Variants in CEP164 observed in about 807,000 individuals in gnomAD.
CEP164 encodes the protein centrosomal protein 164.
In CEP164, 162 loss-of-function variants were observed where a neutral mutation model predicts 182.7. That is an observed-to-expected ratio of 0.89 (90% CI 0.78 to 1.01). The LOEUF (loss-of-function observed/expected upper bound fraction) is 1.01. Among genes scored for constraint, CEP164 ranks in the 50% least tolerant of loss-of-function variants. The probability of loss-of-function intolerance (pLI) is 0.00; values close to 1 mark genes in which losing one functional copy is unlikely to be tolerated. For missense variants in CEP164, 1,735 were observed against 1,790.4 expected, an observed-to-expected ratio of 0.97 and a Z score of 0.56; for synonymous variants, 661 against 690.0, an observed-to-expected ratio of 0.96 and a Z score of 0.66.
intron 27 of CEP164, among the ~76,000 whole-genome samples, chr11:117,407,021 G>A (rs1393729095): frequency 6.6e-6 from 1 of 152,070 alleles, no homozygotes; most frequent in Non-Finnish European, 1.5e-5. Flanking sequence ...TTGAACCCAG[G>A]AGGAGGTGGA....
chr11:117,369,208 CA>C (rs2041955074), intron 8 of CEP164, among the ~76,000 whole-genome samples: 1 of 152,214 alleles, frequency 6.6e-6, no homozygotes. Flanking sequence ...ATTCGTGGGA[CA>C]CTGACAGTGT....
At chr11:117,382,672 G>A in intron 13 of CEP164, 124 bp from the exon 14 acceptor site, 1 of 1,157,678 alleles carries the variant, frequency 8.6e-7, no homozygotes, top group Non-Finnish European at 1.2e-6. Context: ...AAGACCCGAG[G>A]TAGGGAAATT....
chr11:117,351,345 T>C (rs2039599943), intron 4 of CEP164, among the ~76,000 whole-genome samples: 2 of 152,236 alleles, frequency 1.3e-5, no homozygotes, highest in African/African-American at 4.8e-5. Flanking sequence ...TAGAGTCTTC[T>C]GTAAAACCAG....
chr11:117,342,606 G>C (rs1044776464), intron 3 of CEP164, among the ~76,000 whole-genome samples: 1 of 152,014 alleles, frequency 6.6e-6, no homozygotes, highest in Non-Finnish European at 1.5e-5. Flanking sequence ...TTCCTAAGTG[G>C]CTGGGACTAT....
intron 14 of CEP164, chr11:117,385,501 T>G (rs2043844783): frequency 6.6e-6 from 1 of 152,294 alleles, no homozygotes; most frequent in African/African-American, 2.4e-5. Context: ...ATGCCCCACA[T>G]GGTCTGATGC....
rs2045107088 is a variant in CEP164 at position 117,394,209 on chromosome 11, C to G, written c.2617-141C>G. ...GGCCGGTGCTGTGCTTGTAACCCTC[C>G]TCTTCTCCAAGAGCTGGCTTTAGGG... On this transcript the variant is annotated intron_variant, in intron 20 of 32. Transcript: ENST00000278935. This position sits in a 1 kb window ranked among gnomAD's most constrained non-coding sequence, Gnocchi z 4.0. The G allele has an allele frequency of 6.0e-6, 7 of 1,157,428 alleles. No individual in the cohort carries two copies. The highest frequency in any genetic ancestry group is 1.5e-5 in the African/African-American group (1 of 64,624). The allele number at this position is 1,157,428 out of a possible 1,614,324, so 71.7% of individuals were successfully genotyped here.
chr11:117,345,310 G>A (rs2038724605), intron 4 of CEP164, among the ~76,000 whole-genome samples: 1 of 152,180 alleles, frequency 6.6e-6, no homozygotes, highest in South Asian at 2.1e-4. Flanking sequence ...CCTGAGGACT[G>A]CAGTGCTCCC....
chr11:117,395,902 A>C, intron 24 of CEP164, 152 bp from the exon 25 acceptor site: 1 of 1,216,030 alleles, frequency 8.2e-7, no homozygotes. Context: ...TGTGAAAAGC[A>C]GGGGATCTCT....
rs61903737 is a variant in CEP164 at position 117,338,885 on chromosome 11, T to C, written c.82+217T>C. The stretch of plus-strand genomic sequence containing the variant: ...CAGGCTGGAGTGCAGTGGCGTGATC[T>C]CAGCTCACTGCAACCTCTGCCTCCC... On this transcript the variant is annotated intron_variant, in intron 3 of 32. Transcript: ENST00000278935. Among the ~76,000 whole-genome samples, 1,306 of 152,244 alleles carry C rather than the reference T, an allele frequency of 8.6e-3. 27 individuals are homozygous for C. Among genetic ancestry groups the C allele is most frequent in the Non-Finnish European group, 9.6e-3 (655 of 68,018 alleles).
intron 27 of CEP164, among the ~76,000 whole-genome samples, chr11:117,407,612 C>T (rs1289311318): frequency 1.3e-5 from 2 of 152,006 alleles, no homozygotes; most frequent in African/African-American, 4.8e-5. Context: ...GTAATCAGGC[C>T]ACTGCACTCC....
At chr11:117,401,799 A>G (rs1271320672) in intron 27 of CEP164, among the ~76,000 whole-genome samples, 2 of 152,116 alleles carry the variant, frequency 1.3e-5, no homozygotes, top group African/African-American at 2.4e-5. Context: ...GGTAGTTTGT[A>G]TTTCTGTGGG....
chr11:117,323,891 T>C (rs1315912540), upstream of CEP164: 1 of 401,442 alleles, frequency 2.5e-6, no homozygotes, highest in Admixed American at 2.6e-5. Flanking sequence ...TTGTATATCT[T>C]CTTTTGAGAA....
upstream of CEP164, among the ~76,000 whole-genome samples, chr11:117,323,663 A>C (rs2035331118): frequency 6.6e-6 from 1 of 152,070 alleles, no homozygotes; most frequent in South Asian, 2.1e-4. Context: ...TTTTTTGAGG[A>C]ACCACCATAC....
rs1335833446 is a variant in CEP164 at position 117,387,168 on chromosome 11, C to G, written c.1725-35C>G. ...GGATGCAGAGGTGGGTGGACATTAA[C>G]CCTGTGATGATATGCCATTCCCCAC... On this transcript the variant is annotated intron_variant, in intron 14 of 32. Transcript: ENST00000278935. 4 of 1,580,574 alleles carry G rather than the reference C, an allele frequency of 2.5e-6. No homozygotes were observed. The African/African-American group carries it at 4.0e-5, about 16-fold the overall frequency.
rs1443666593 is a variant in CEP164 at position 117,395,533 on chromosome 11, C to T, written c.2914-14C>T. The T allele has an allele frequency of 3.7e-6, 6 of 1,600,976 alleles. No homozygotes were observed. Among genetic ancestry groups the T allele is most frequent in the South Asian group, 1.1e-5 (1 of 88,616 alleles). On this transcript the variant is annotated splice_polypyrimidine_tract_variant and intron_variant, in intron 23 of 32. Coordinates refer to ENST00000278935, the MANE Select transcript of CEP164 (RefSeq NM_014956.5). ...GCTGTCTCTGGGTGCTTCTATCTTT[C>T]CTTTTGCCCCTAGGAAGCCACAGCC...
At chr11:117,395,901 CAG>C (rs1219326676) in intron 24 of CEP164, among the ~76,000 whole-genome samples, 151 bp from the exon 25 acceptor site, 1 of 152,076 alleles carries the variant, frequency 6.6e-6, no homozygotes, top group Non-Finnish European at 1.5e-5. Flanking sequence ...CTGTGAAAAG[CAG>C]GGGATCTCTG....
intron 5 of CEP164, chr11:117,356,331 GAC>G: frequency 8.7e-7 from 1 of 1,144,902 alleles, no homozygotes; most frequent in South Asian, 1.7e-5. Flanking sequence ...ATGCCGTGCA[GAC>G]ACAGCGCCAG....
At position 117,382,833 on chromosome 11, in the gene CEP164, G is replaced by A. The variant is rs758286092; in HGVS notation, c.1615G>A (p.Gly539Ser). 5.6e-6 allele frequency: 9 copies of A among 1,614,144 alleles called. No homozygotes were observed. Among genetic ancestry groups the A allele is most frequent in the South Asian group, 2.2e-5 (2 of 91,082 alleles). The change falls in exon 14 of 33, where the codon GGC (glycine) becomes AGC (serine). Residue 539 changes from glycine (G) to serine (S), a missense_variant. By Grantham distance (56) the Gly-to-Ser change is moderately conservative (BLOSUM62 0). Coordinates refer to ENST00000278935, the MANE Select transcript of CEP164 (RefSeq NM_014956.5). ...AAGCCCACCTGCTGCCTGTGAGAAG[G>A]GCAAGGAGCAGCATTCCCAGGCCGA... ...APSPPAACEK[G>S]KEQHSQAEEL...
chr11:117,323,318 T>A (rs79692894), upstream of CEP164, among the ~76,000 whole-genome samples: 1 of 151,918 alleles, frequency 6.6e-6, no homozygotes, highest in Non-Finnish European at 1.5e-5. Context: ...TTTTTTTTTT[T>A]AATTCCACAT....
Sources: gnomAD v4.1 joint callset for allele counts (sites outside exome capture counted in the v4.1 genomes callset) on GRCh38, gnomAD v4.1.1 for gene constraint, Gnocchi (gnomAD v3.1) non-coding constraint, MANE v1.5 for transcripts, NCBI Gene and HGNC (gene_info 2026-07-23, HGNC 2026-07-21) for gene names.